WDFY2: variants seen among roughly 807,000 people sequenced by gnomAD.
WDFY2 encodes WD repeat and FYVE domain containing 2, also known as WD repeat and FYVE domain-containing protein 2.
Under a neutral mutation model 56.4 loss-of-function variants are expected in WDFY2, and 36 were observed. The ratio of observed to expected loss-of-function variants is 0.64; its 90% CI spans 0.49 to 0.84. The LOEUF (loss-of-function observed/expected upper bound fraction) is 0.84. WDFY2 is among the 40% of genes least tolerant of loss of function. The pLI is 0.00. For missense variants in WDFY2, 444 were observed against 512.2 expected (o/e 0.87, Z 1.29); for synonymous variants, 176 against 183.7 (o/e 0.96, Z 0.34).
In WDFY2 at chr13:51,766,497, C is replaced by A. The variant is rs1953754889; in HGVS notation, c.*6728C>A. On this transcript the variant is annotated 3_prime_UTR_variant, in exon 12 of 12. Coordinates refer to ENST00000298125, the MANE Select transcript of WDFY2 (RefSeq NM_052950.4). ...GAATGTAATAAGCCTGACATTGGAA[C>A]AGATTTCTCCCGTGTGGTCTAGCTG... 6.6e-6 allele frequency: 1 copy of A among 152,300 alleles called. No individual in the cohort carries two copies. Among genetic ancestry groups the A allele is most frequent in the Admixed American group, 6.5e-5 (1 of 15,292 alleles). 9.4% of individuals were successfully genotyped at this position (152,300 alleles called of 1,614,324 possible). A position where few individuals can be genotyped will look rare whatever the true frequency, so the allele number is the denominator to read the frequency against.
chr13:51,749,537 T>C (rs1953179517), intron 7 of WDFY2, among the ~76,000 whole-genome samples: 1 of 152,162 alleles, frequency 6.6e-6, no homozygotes, highest in South Asian at 2.1e-4. Context: ...CATATAATCA[T>C]TTTAGCAGAC....
At position 51,648,150 on chromosome 13, in the gene WDFY2, G is replaced by A. The variant is rs549289474; in HGVS notation, c.138-12446G>A. ...AATTTAGTCCTTTGGAGAGAGTTGGGGTGAGATGGGAGGCACGTGGGAATT... is the reference window on the plus strand; with the variant it reads ...AATTTAGTCCTTTGGAGAGAGTTGGAGTGAGATGGGAGGCACGTGGGAATT... On this transcript the variant is annotated intron_variant, in intron 1 of 11. Coordinates refer to ENST00000298125, the MANE Select transcript of WDFY2 (RefSeq NM_052950.4). 1.1e-4 allele frequency among the ~76,000 whole-genome samples: 16 copies of A among 152,234 alleles called. No individual in the cohort carries two copies. In the South Asian group the frequency reaches 3.3e-3, roughly 32 times the overall value.
In WDFY2 at chr13:51,584,680, C is replaced by A. The variant is rs762793034; in HGVS notation, c.-8C>A. 1 of 1,609,546 alleles carries A rather than the reference C, an allele frequency of 6.2e-7. No homozygotes were observed. The highest frequency in any genetic ancestry group is 8.5e-7 in the Non-Finnish European group (1 of 1,178,496). The stretch of plus-strand genomic sequence containing the variant: ...GGCGGCGGCGCCCCAGGCGCGCCCC[C>A]TCCTCCGATGGCGGCGGAGATCCAG... On this transcript the variant is annotated 5_prime_UTR_variant, in exon 1 of 12. Coordinates refer to ENST00000298125, the MANE Select transcript of WDFY2 (RefSeq NM_052950.4).
At chr13:51,591,182 C>T (rs570011239) in intron 1 of WDFY2, 46 of 152,300 alleles carry the variant, frequency 3.0e-4, no homozygotes, top group African/African-American at 1.1e-3. Flanking sequence ...GTAGTCTCTG[C>T]AACCATATCA....
chr13:51,609,249 T>C (rs564648314), intron 1 of WDFY2, among the ~76,000 whole-genome samples: 4 of 152,240 alleles, frequency 2.6e-5, no homozygotes, highest in Non-Finnish European at 5.9e-5. Flanking sequence ...GTATACCCTC[T>C]ACTGATCACA....
intron 6 of WDFY2, among the ~76,000 whole-genome samples, chr13:51,734,588 C>T (rs907836268): frequency 6.6e-6 from 1 of 152,006 alleles, no homozygotes; most frequent in African/African-American, 2.4e-5. Flanking sequence ...CCGTTTCAAC[C>T]TTCTAAGTGT....
At chr13:51,671,945 G>A (rs1025969629) in intron 2 of WDFY2, among the ~76,000 whole-genome samples, 40 of 151,682 alleles carry the variant, frequency 2.6e-4, no homozygotes, top group African/African-American at 9.2e-4. Context: ...CGTCACACCC[G>A]CCTAATTTTT....
At chr13:51,653,818 TG>T (rs1955453736) in intron 1 of WDFY2, among the ~76,000 whole-genome samples, 2 of 152,148 alleles carry the variant, frequency 1.3e-5, no homozygotes, top group Non-Finnish European at 2.9e-5. Context: ...CTGCCCCTAC[TG>T]GGGGGTGCCT....
intron 1 of WDFY2, among the ~76,000 whole-genome samples, chr13:51,648,593 G>A (rs769015389): frequency 2.0e-5 from 3 of 152,042 alleles, no homozygotes; most frequent in Non-Finnish European, 4.4e-5. Flanking sequence ...TCAAACATCC[G>A]TTTTAACCTT....
chr13:51,676,137 A>C (rs1012185692), intron 3 of WDFY2, among the ~76,000 whole-genome samples: 1 of 152,198 alleles, frequency 6.6e-6, no homozygotes, highest in Non-Finnish European at 1.5e-5. Context: ...AAGACCCTGG[A>C]ATTTCCTGCC....
At position 51,759,898 on chromosome 13, in the gene WDFY2, C is replaced by A; in HGVS notation, c.*129C>A. On this transcript the variant is annotated 3_prime_UTR_variant, in exon 12 of 12. Transcript: ENST00000298125. ...AAACTAAAGACCCTGAATGAATTTG[C>A]AGATTACCCATGTGCACAGTGGGGA... 1 of 1,042,708 alleles carries A rather than the reference C, an allele frequency of 9.6e-7. No individual in the cohort carries two copies. Among genetic ancestry groups the A allele is most frequent in the Non-Finnish European group, 1.4e-6 (1 of 702,038 alleles). 64.6% of individuals were successfully genotyped at this position (1,042,708 alleles called of 1,614,324 possible).
chr13:51,624,787 G>T (rs868668492), intron 1 of WDFY2, among the ~76,000 whole-genome samples: 9 of 152,188 alleles, frequency 5.9e-5, no homozygotes, highest in Non-Finnish European at 1.0e-4. Flanking sequence ...AGGTTGGGGG[G>T]TTTGCTCTGG....
intron 1 of WDFY2, among the ~76,000 whole-genome samples, chr13:51,603,922 C>G (rs1224676785): frequency 6.6e-6 from 1 of 152,060 alleles, no homozygotes; most frequent in African/African-American, 2.4e-5. Context: ...AAATATTATA[C>G]AAGAGGGAGC....
At chr13:51,750,702 G>A (rs1730535508) in intron 7 of WDFY2, among the ~76,000 whole-genome samples, 1 of 152,072 alleles carries the variant, frequency 6.6e-6, no homozygotes, top group South Asian at 2.1e-4. Context: ...AAACTAGAAA[G>A]AAAAATAAAA....
Position 51,727,758 on chromosome 13 carries a change from G to A in WDFY2, c.566G>A (p.Cys189Tyr). Residue 189 changes from cysteine to tyrosine, a missense_variant, in exon 6 of 12, where the codon TGC (cysteine) becomes TAC (tyrosine). By Grantham distance (194) the Cys-to-Tyr change is radical. Transcript: ENST00000298125. The stretch of plus-strand genomic sequence containing the variant: ...ATCCTCAAACTGGAGCAAGAAAACT[G>A]CACCCTGGTCACAACATTCAGAGGA... ...VTILKLEQEN[C>Y]TLVTTFRGHT... 1 of 1,614,118 alleles carries A rather than the reference G, an allele frequency of 6.2e-7. No homozygotes were observed.
rs1381474176 is a variant in WDFY2 at position 51,760,725 on chromosome 13, C to T, written c.*956C>T. 1 of 152,262 alleles carries T rather than the reference C, an allele frequency of 6.6e-6. No homozygotes were observed. The highest frequency in any genetic ancestry group is 2.4e-5 in the African/African-American group (1 of 41,478). 9.4% of individuals were successfully genotyped at this position (152,262 alleles called of 1,614,324 possible). On this transcript the variant is annotated 3_prime_UTR_variant, in exon 12 of 12. Transcript: ENST00000298125. The stretch of plus-strand genomic sequence containing the variant: ...ATGAAACTGTTCCACCTCGGATCAG[C>T]AGGCATTAGCTTCTCATAAGGAGCA...
At chr13:51,738,034 T>A (rs1478426159) in intron 6 of WDFY2, among the ~76,000 whole-genome samples, 1 of 148,742 alleles carries the variant, frequency 6.7e-6, no homozygotes, top group Middle Eastern at 3.2e-3. Context: ...CTGAAACAAA[T>A]GTATGAGAGA....
intron 1 of WDFY2, chr13:51,592,610 T>A (rs961764977): frequency 6.6e-6 from 1 of 151,928 alleles, no homozygotes. Context: ...AAAATAAAAT[T>A]AAAATAAATA....
In WDFY2 at chr13:51,761,066, G is replaced by A. The variant is rs775686538; in HGVS notation, c.*1297G>A. On this transcript the variant is annotated 3_prime_UTR_variant, in exon 12 of 12. Coordinates refer to ENST00000298125, the MANE Select transcript of WDFY2 (RefSeq NM_052950.4). ...AATCCTGCTGTATTCCTCGCCCTCT[G>A]TATTCTATCCCTTTAAAAACTAGAT... is the stretch of plus-strand genomic sequence containing the variant. The A allele has an allele frequency of 4.6e-5, 7 of 152,184 alleles. No homozygotes were observed. The highest frequency in any genetic ancestry group is 8.8e-5 in the Non-Finnish European group (6 of 68,040). The allele number at this position is 152,184 out of a possible 1,614,324, so 9.4% of individuals were successfully genotyped here. A position where few individuals can be genotyped will look rare whatever the true frequency, so the allele number is the denominator to read the frequency against.
Sources: gnomAD v4.1 joint callset for allele counts (sites outside exome capture counted in the v4.1 genomes callset) on GRCh38, gnomAD v4.1.1 for gene constraint, MANE v1.5 for transcripts, NCBI Gene and HGNC (gene_info 2026-07-23, HGNC 2026-07-21) for gene names.